The following CPQ variants were observed in gnomAD, a reference collection of about 807,000 sequenced individuals.
The protein encoded by CPQ is carboxypeptidase Q, also known as Ser-Met dipeptidase.
In CPQ, 37 loss-of-function variants were observed where a neutral mutation model predicts 45.7. The ratio of observed to expected loss-of-function variants is 0.81; its 90% CI spans 0.62 to 1.07. The LOEUF is 1.07. Among genes scored for constraint, CPQ ranks in the 50% least tolerant of loss-of-function variants. The pLI, the probability that CPQ is intolerant of heterozygous loss-of-function variation, is 0.00. For missense variants in CPQ, 537 were observed against 572.9 expected, an observed-to-expected ratio of 0.94 and a Z score of 0.64; for synonymous variants, 186 against 205.8, an observed-to-expected ratio of 0.90 and a Z score of 0.82.
chr8:96,854,118 G>A (rs1349134964), intron 3 of CPQ, among the ~76,000 whole-genome samples: 1 of 152,202 alleles, frequency 6.6e-6, no homozygotes, highest in Non-Finnish European at 1.5e-5. Flanking sequence ...TTGACATACA[G>A]AGAGGAGACA....
Position 96,879,843 on chromosome 8 carries a change from T to A in CPQ, c.687T>A (p.Ile229=), listed in dbSNP as rs770250110. 1 of 1,614,068 alleles carries A rather than the reference T, an allele frequency of 6.2e-7. No homozygotes were observed. The highest frequency in any genetic ancestry group is 8.5e-7 in the Non-Finnish European group (1 of 1,179,974). Residue 229 remains isoleucine, a synonymous_variant, in exon 4 of 8, where the codon ATT becomes ATA. Transcript: ENST00000220763. ...AATACCAGGATGGCGTGCCCAAGAT[T>A]CCAACAGCCTGTATTACGGTGGAAG... ...IQEYQDGVPK[I]PTACITVEDA...
rs138537709 is a variant in CPQ at position 96,856,810 on chromosome 8, T to A, written c.641+21630T>A. On this transcript the variant is annotated intron_variant, in intron 3 of 7. Coordinates refer to ENST00000220763, the MANE Select transcript of CPQ (RefSeq NM_016134.4). ...TGAAGAGAGTGGTTAAGGAAAAACCTCTTCTCTAGTGGTTCTGTTATTCTA... is the reference window on the plus strand; with the variant it reads ...TGAAGAGAGTGGTTAAGGAAAAACCACTTCTCTAGTGGTTCTGTTATTCTA... Among the ~76,000 whole-genome samples the A allele has an allele frequency of 3.8e-3, 578 of 152,380 alleles. 3 individuals are homozygous for A. Among genetic ancestry groups the A allele is most frequent in the African/African-American group, 0.013 (521 of 41,594 alleles).
intron 7 of CPQ, chr8:97,132,995 A>G (rs903324200): frequency 3.3e-5 from 5 of 152,222 alleles, no homozygotes; most frequent in African/African-American, 9.6e-5. Flanking sequence ...TTATAGCTGT[A>G]TATGTTTTTG....
chr8:96,913,327 T>A (rs1812692722), intron 4 of CPQ, among the ~76,000 whole-genome samples: 1 of 152,218 alleles, frequency 6.6e-6, no homozygotes, highest in Non-Finnish European at 1.5e-5. Flanking sequence ...GTCTTGCTAA[T>A]CCAAACACAT....
chr8:97,003,559 T>G (rs1211795742), intron 5 of CPQ, among the ~76,000 whole-genome samples: 1 of 152,188 alleles, frequency 6.6e-6, no homozygotes, highest in African/African-American at 2.4e-5. Flanking sequence ...ATCACTAGAT[T>G]TGCACTGTGA....
At chr8:96,792,725 G>A (rs1269669529) in intron 2 of CPQ, among the ~76,000 whole-genome samples, 1 of 152,056 alleles carries the variant, frequency 6.6e-6, no homozygotes, top group Non-Finnish European at 1.5e-5. Context: ...GATTTTTAAG[G>A]TAGTTCTTTC....
intron 4 of CPQ, among the ~76,000 whole-genome samples, chr8:96,954,469 AAC>A (rs1431093882): frequency 6.6e-6 from 1 of 152,108 alleles, no homozygotes; most frequent in Non-Finnish European, 1.5e-5. Context: ...GAAGAAAGTG[AAC>A]AGTCTTTTTT....
chr8:97,027,996 C>A (rs866540177), intron 5 of CPQ, among the ~76,000 whole-genome samples: 1 of 152,096 alleles, frequency 6.6e-6, no homozygotes, highest in Non-Finnish European at 1.5e-5. Flanking sequence ...CAGACAACTG[C>A]GGGGCTTGGA....
intron 6 of CPQ, among the ~76,000 whole-genome samples, chr8:97,058,187 C>A (rs951347268): frequency 1.3e-5 from 2 of 152,070 alleles, no homozygotes. Context: ...ATGATACACC[C>A]TATACACCCT....
intron 1 of CPQ, among the ~76,000 whole-genome samples, chr8:96,672,623 CA>C (rs753119149): frequency 1.0e-3 from 152 of 151,802 alleles, no homozygotes; most frequent in Non-Finnish European, 1.5e-3. Flanking sequence ...ACTAAAAATA[CA>C]AAAATTAGCT....
intron 1 of CPQ, chr8:96,680,567 T>G (rs1413141002): frequency 6.6e-6 from 1 of 152,260 alleles, no homozygotes; most frequent in Non-Finnish European, 1.5e-5. Flanking sequence ...TTAAACCTCT[T>G]TATTTTGTAA....
In CPQ at chr8:96,845,842, C is replaced by T. The variant is rs1371026003; in HGVS notation, c.641+10662C>T. On this transcript the variant is annotated intron_variant, in intron 3 of 7. Transcript: ENST00000220763. ...TTATTTTTATTTTTATTTTTTGAGA[C>T]GGAGTTTCACTCTTGTTGCCTAGGC... is the stretch of plus-strand genomic sequence containing the variant. Among the ~76,000 whole-genome samples the T allele has an allele frequency of 8.6e-5, 13 of 152,000 alleles. 1 individual carries two copies. Among genetic ancestry groups the T allele is most frequent in the South Asian group, 6.2e-4 (3 of 4,828 alleles).
chr8:96,790,442 A>G lies in CPQ; in HGVS notation c.433+5112A>G, dbSNP rs1363241313. ...CTACTTAGGGTAGAGTTTCCACCCT[A>G]TGAGTAGGACTTGGGTAGAGGAATG... On this transcript the variant is annotated intron_variant, in intron 2 of 7. Coordinates refer to ENST00000220763, the MANE Select transcript of CPQ (RefSeq NM_016134.4). 2.6e-5 allele frequency among the ~76,000 whole-genome samples: 4 copies of G among 152,230 alleles called. No individual in the cohort carries two copies. In the East Asian group the frequency reaches 5.8e-4, roughly 22 times the overall value.
rs539371534 is a variant in CPQ, at chr8:97,035,054, G to A, written c.1053+5560G>A. Reference sequence around the variant, plus strand: ...ACTACAGGCGTGTGCCACCACACCCGGCTAATTTTTGTATTTTTAGTAGAG... The same window carrying A: ...ACTACAGGCGTGTGCCACCACACCCAGCTAATTTTTGTATTTTTAGTAGAG... On this transcript the variant is annotated intron_variant, in intron 6 of 7. Transcript: ENST00000220763. 6.6e-5 allele frequency among the ~76,000 whole-genome samples: 10 copies of A among 151,954 alleles called. 1 individual carries two copies. The South Asian group carries it at 1.0e-3, about 16-fold the overall frequency.
chr8:96,692,816 C>A (rs191438220), intron 1 of CPQ, among the ~76,000 whole-genome samples: 1 of 152,012 alleles, frequency 6.6e-6, no homozygotes, highest in Non-Finnish European at 1.5e-5. Flanking sequence ...GGATCAAGAC[C>A]GTCCAGAAAA....
intron 1 of CPQ, among the ~76,000 whole-genome samples, chr8:96,717,023 A>AT (rs1809683676): frequency 1.3e-5 from 1 of 76,420 alleles, no homozygotes; most frequent in African/African-American, 5.3e-5. Context: ...TCCATGATAT[A>AT]AATATATATA....
chr8:96,972,861 C>T (rs1301975961), intron 5 of CPQ, among the ~76,000 whole-genome samples: 2 of 152,124 alleles, frequency 1.3e-5, no homozygotes, highest in African/African-American at 2.4e-5. Flanking sequence ...GGGAGCATCC[C>T]GTGGGACAAA....
At chr8:97,037,895 T>C (rs529518864) in intron 6 of CPQ, among the ~76,000 whole-genome samples, 1 of 152,248 alleles carries the variant, frequency 6.6e-6, no homozygotes, top group South Asian at 2.1e-4. Context: ...CATGAGTAGG[T>C]TTCAACTCAT....
In CPQ at chr8:96,945,179, G is replaced by A. The variant is rs1813173701; in HGVS notation, c.850-20756G>A. 5.9e-5 allele frequency among the ~76,000 whole-genome samples: 9 copies of A among 152,326 alleles called. No individual in the cohort carries two copies. In the South Asian group the frequency reaches 1.9e-3, roughly 32 times the overall value. ...TGGATGATGAGCAGGACGGCCATGG[G>A]CCCTGCTCTCCTGGAGATCATGGTT... On this transcript the variant is annotated intron_variant, in intron 4 of 7. Transcript: ENST00000220763.
Sources: allele counts gnomAD v4.1 joint callset (sites outside exome capture counted in the v4.1 genomes callset), GRCh38; gene constraint gnomAD v4.1.1; transcripts MANE v1.5; gene names NCBI Gene and HGNC (gene_info 2026-07-23, HGNC 2026-07-21).